PTPRF: variants seen among roughly 807,000 people sequenced by gnomAD.
PTPRF encodes protein tyrosine phosphatase receptor type F.
Under a neutral mutation model 201.8 loss-of-function variants are expected in PTPRF, and 59 were observed. The ratio of observed to expected loss-of-function variants is 0.29; its 90% CI spans 0.24 to 0.36. PTPRF has a LOEUF of 0.36. Among genes scored for constraint, PTPRF ranks in the 10% least tolerant of loss-of-function variants. The pLI is 1.00. For missense variants in PTPRF, 2,132 were observed against 2,690.5 expected (o/e 0.79, Z 4.59); for synonymous variants, 1,088 against 1,089.7 (o/e 1.00, Z 0.03).
At chr1:43,605,027 C>A (rs891937387) in intron 17 of PTPRF, 27 bp downstream of exon 17, 2 of 1,606,568 alleles carry the variant, frequency 1.2e-6, no homozygotes, top group Non-Finnish European at 1.7e-6. Context: ...GCCAGCTGAG[C>A]CTGGCACACA....
intron 6 of PTPRF, chr1:43,575,971 C>T: frequency 7.3e-7 from 1 of 1,360,868 alleles, no homozygotes; most frequent in Non-Finnish European, 9.8e-7. Flanking sequence ...CGCCTTGCCA[C>T]TGCCGTCACC....
At chr1:43,533,668 C>T (rs1456536302) in intron 1 of PTPRF, among the ~76,000 whole-genome samples, 1 of 152,110 alleles carries the variant, frequency 6.6e-6, no homozygotes, top group African/African-American at 2.4e-5. Context: ...TGTAAGAATC[C>T]AAGGGAACTG....
At position 43,573,795 on chromosome 1, in the gene PTPRF, G is replaced by T. The variant is rs557881040; in HGVS notation, c.568+4017G>T. 3.9e-5 allele frequency among the ~76,000 whole-genome samples: 6 copies of T among 152,218 alleles called. No individual in the cohort carries two copies. In the South Asian group the frequency reaches 6.2e-4, roughly 16 times the overall value. ...TTACTGTTAGATTCTTTCAGAATAG[G>T]TTAGGTTCTGGAAGAGCTGAGGCCA... On this transcript the variant is annotated intron_variant, in intron 6 of 33. Transcript: ENST00000359947.
At chr1:43,576,815 C>T (rs1646960086) in intron 6 of PTPRF, among the ~76,000 whole-genome samples, 1 of 152,226 alleles carries the variant, frequency 6.6e-6, no homozygotes. Flanking sequence ...CCAGTTCTCT[C>T]AGTGTCTGGG....
At position 43,588,591 on chromosome 1, in the gene PTPRF, G is replaced by C. The variant is rs1420735954; in HGVS notation, c.680-140G>C. The C allele has an allele frequency of 1.3e-5, 14 of 1,118,158 alleles. No homozygotes were observed. The highest frequency in any genetic ancestry group is 3.7e-6 in the Non-Finnish European group (3 of 803,588). 69.3% of individuals were successfully genotyped at this position (1,118,158 alleles called of 1,614,324 possible). A position where few individuals can be genotyped will look rare whatever the true frequency, so the allele number is the denominator to read the frequency against. ...GGGTGGGAGTGGATGATGAGCTGGGGTCTGGCGGTGCCACCCCTCCTGTCT... is the reference window on the plus strand; with the variant it reads ...GGGTGGGAGTGGATGATGAGCTGGGCTCTGGCGGTGCCACCCCTCCTGTCT... On this transcript the variant is annotated intron_variant, in intron 7 of 33. Transcript: ENST00000359947. This position sits in a 1 kb window ranked among gnomAD's most constrained non-coding sequence, Gnocchi z 5.3.
chr1:43,612,911 C>A, intron 22 of PTPRF: 1 of 962,798 alleles, frequency 1.0e-6, no homozygotes, highest in Non-Finnish European at 1.5e-6. Flanking sequence ...TTCTTCTCTC[C>A]CCTTCCCTTT....
intron 22 of PTPRF, among the ~76,000 whole-genome samples, chr1:43,609,838 G>T (rs1163287458): frequency 6.6e-6 from 1 of 152,204 alleles, no homozygotes. Flanking sequence ...TCTGGCGCAC[G>T]CTCTGACGCC....
rs187088314 is a variant in PTPRF, at chr1:43,589,877, A to G, written c.949+877A>G. 3.3e-3 allele frequency among the ~76,000 whole-genome samples: 508 copies of G among 152,100 alleles called. 5 individuals are homozygous for G. Among genetic ancestry groups the G allele is most frequent in the Middle Eastern group, 0.01 (3 of 294 alleles). On this transcript the variant is annotated intron_variant, in intron 8 of 33. Transcript: ENST00000359947. ...AGAGCGAGACCCTATGAAAAAAAAA[A>G]AAACCAGATTCCTTCCTGGTCTCCC...
chr1:43,604,840 C>A, intron 16 of PTPRF, 63 bp from the exon 17 acceptor site: 1 of 1,412,312 alleles, frequency 7.1e-7, no homozygotes. Flanking sequence ...ACCTTCCACC[C>A]TTCCAGCCCA....
chr1:43,619,646 A>G, intron 28 of PTPRF, 34 bp from the exon 29 acceptor site: 2 of 1,611,634 alleles, frequency 1.2e-6, no homozygotes, highest in Non-Finnish European at 1.7e-6. Context: ...CCCCCACAGG[A>G]AGCCTGGCCT....
chr1:43,534,942 T>A (rs1406991817), intron 1 of PTPRF, among the ~76,000 whole-genome samples: 3 of 152,322 alleles, frequency 2.0e-5, no homozygotes, highest in Middle Eastern at 3.4e-3. Flanking sequence ...TAAGGGTTGT[T>A]ATGAGGATTA....
intron 1 of PTPRF, among the ~76,000 whole-genome samples, chr1:43,533,626 C>T (rs915887346): frequency 1.3e-5 from 2 of 152,166 alleles, no homozygotes; most frequent in African/African-American, 4.8e-5. Context: ...AATGGGGTAG[C>T]TAATCCAACC....
intron 3 of PTPRF, among the ~76,000 whole-genome samples, chr1:43,547,665 T>C (rs1644765303): frequency 6.6e-6 from 1 of 152,182 alleles, no homozygotes; most frequent in Non-Finnish European, 1.5e-5. Context: ...GACAAATGTG[T>C]TTCAATAGGC....
chr1:43,621,111 G>A lies in PTPRF; in HGVS notation c.5534G>A (p.Arg1845His). Residue 1845 changes from arginine (R) to histidine (H), a missense_variant, in exon 33 of 34, where the codon CGC becomes CAC. Around this residue, in one of 6 missense-constraint regions of PTPRF, gnomAD observed 519 missense variants for 659.5 expected, o/e 0.79. Transcript: ENST00000359947. Reference sequence around the variant, plus strand: ...TTTCTGAGCAGTGCTGGCGTGGGCCGCACCGGGGTGTTCATCACTCTGAGC... The same window carrying A: ...TTTCTGAGCAGTGCTGGCGTGGGCCACACCGGGGTGTTCATCACTCTGAGC... ...ITVHCSAGVG[R>H]TGVFITLSIV... The A allele has an allele frequency of 1.2e-6, 2 of 1,614,146 alleles. No homozygotes were observed. The highest frequency in any genetic ancestry group is 1.7e-6 in the Non-Finnish European group (2 of 1,179,992).
At chr1:43,550,013 G>C (rs1332892665) in intron 3 of PTPRF, among the ~76,000 whole-genome samples, 1 of 152,222 alleles carries the variant, frequency 6.6e-6, no homozygotes, top group African/African-American at 2.4e-5. Context: ...CTGAACATAA[G>C]GGGCAACGCC....
At chr1:43,555,469 G>A (rs1359617665) in intron 5 of PTPRF, among the ~76,000 whole-genome samples, 9 of 130,060 alleles carry the variant, frequency 6.9e-5, no homozygotes, top group African/African-American at 2.4e-4. Context: ...TTTTTGAGAC[G>A]GAGTCTAGCT....
At chr1:43,579,566 T>TC (rs1373406282) in intron 7 of PTPRF, 2 of 291,282 alleles carry the variant, frequency 6.9e-6, no homozygotes, top group Admixed American at 4.9e-5. Flanking sequence ...TTTCTGGAAG[T>TC]CCAAGTTCCC....
At chr1:43,607,394 G>A (rs1330366944) in intron 21 of PTPRF, among the ~76,000 whole-genome samples, 2 of 152,198 alleles carry the variant, frequency 1.3e-5, no homozygotes, top group Non-Finnish European at 2.9e-5. Flanking sequence ...TAGAGAGGTC[G>A]AGCTGGAGGC....
intron 11 of PTPRF, among the ~76,000 whole-genome samples, chr1:43,597,240 T>C (rs1018262147): frequency 2.0e-5 from 3 of 152,132 alleles, no homozygotes; most frequent in Non-Finnish European, 4.4e-5. Context: ...TGTATATGTG[T>C]GAGACTGTGT....
Sources: gnomAD v4.1 joint callset for allele counts (sites outside exome capture counted in the v4.1 genomes callset) on GRCh38, gnomAD v4.1.1 for gene constraint, gnomAD v4.1.1 regional missense constraint, Gnocchi (gnomAD v3.1) non-coding constraint, MANE v1.5 for transcripts, NCBI Gene and HGNC (gene_info 2026-07-23, HGNC 2026-07-21) for gene names.